Variants in CCNG1 observed in about 807,000 individuals in gnomAD.
CCNG1 encodes the protein cyclin-G1.
Under a neutral mutation model 30.0 loss-of-function variants are expected in CCNG1, and 13 were observed. That is an observed-to-expected ratio of 0.43 (90% CI 0.28 to 0.69). CCNG1 has a LOEUF of 0.69. Ranked by LOEUF, CCNG1 falls within the 30% of genes least tolerant of loss-of-function variation. The pLI, the probability that CCNG1 is intolerant of heterozygous loss-of-function variation, is 0.16. For synonymous variants in CCNG1, 110 were observed against 121.5 expected (o/e 0.91, Z 0.62); for missense variants, 285 against 331.4 (o/e 0.86, Z 1.09).
downstream of CCNG1, chr5:163,448,090 T>C (rs1758084057): frequency 6.6e-6 from 1 of 151,620 alleles, no homozygotes. Flanking sequence ...CCCCACGAGT[T>C]TGAGGCTGCA....
At chr5:163,441,660 T>C (rs1387270645) in intron 3 of CCNG1, 3 of 518,312 alleles carry the variant, frequency 5.8e-6, no homozygotes, top group African/African-American at 3.9e-5. Flanking sequence ...ATTTGTGGCA[T>C]AGTACTATTC....
downstream of CCNG1, chr5:163,450,405 AGAGAG>A (rs1199976404): frequency 6.6e-6 from 1 of 152,252 alleles, no homozygotes; most frequent in African/African-American, 2.4e-5. Context: ...AACAAAGTAA[AGAGAG>A]AATAGGAGAA....
In CCNG1 at chr5:163,441,094, T is replaced by C. The variant is rs1581167579; in HGVS notation, c.281T>C (p.Leu94Pro). ...LSKMKVQPKH[L>P]GCVGLSCFYL... ...ATTTTTTAGGTACAGCCCAAGCACCTTGGGTGTGTTGGACTGAGCTGCTTT... is the reference window on the plus strand; with the variant it reads ...ATTTTTTAGGTACAGCCCAAGCACCCTGGGTGTGTTGGACTGAGCTGCTTT... Residue 94 changes from leucine to proline, a missense_variant, in exon 3 of 7, where the codon CTT becomes CCT. By Grantham distance (98) the Leu-to-Pro change is moderately conservative. Transcript: ENST00000340828. 6.2e-7 allele frequency: 1 copy of C among 1,613,846 alleles called. No homozygotes were observed. The highest frequency in any genetic ancestry group is 8.5e-7 in the Non-Finnish European group (1 of 1,179,798).
At chr5:163,443,127 G>A (rs426308) in intron 6 of CCNG1, among the ~76,000 whole-genome samples, 151,517 of 152,040 alleles carry the variant, frequency 1, 75,498 homozygotes, top group Middle Eastern at 1. Context: ...GGCCAACATG[G>A]TGAAACCCCG....
At chr5:163,448,803 C>T (rs1758105623), downstream of CCNG1, 1 of 152,160 alleles carries the variant, frequency 6.6e-6, no homozygotes, top group South Asian at 2.1e-4. Context: ...GAAATATAAG[C>T]TGTTTCAAAA....
the CCNG1 span, chr5:163,451,702 C>CA: frequency 6.6e-6 from 1 of 152,258 alleles, no homozygotes; most frequent in Admixed American, 6.5e-5. Flanking sequence ...TCCTGCTCAG[C>CA]ATAGGATGCG....
At chr5:163,456,530 T>TA in the CCNG1 span, among the ~76,000 whole-genome samples, 39 of 152,084 alleles carry the variant, frequency 2.6e-4, no homozygotes, top group African/African-American at 6.7e-4. Context: ...CCATTTATGC[T>TA]AAAAAACAAA....
chr5:163,442,657 A>T (rs1419036550), intron 6 of CCNG1, 89 bp downstream of exon 6: 1 of 1,052,890 alleles, frequency 9.5e-7, no homozygotes, highest in East Asian at 2.4e-5. Flanking sequence ...TCTTCAAAAT[A>T]AACAAAATGG....
At position 163,444,647 on chromosome 5, in the gene CCNG1, T is replaced by C. The variant is rs1020999567; in HGVS notation, c.*977T>C. 1.3e-5 allele frequency: 2 copies of C among 152,628 alleles called. No homozygotes were observed. Among genetic ancestry groups the C allele is most frequent in the Non-Finnish European group, 2.9e-5 (2 of 68,034 alleles). 9.5% of individuals were successfully genotyped at this position (152,628 alleles called of 1,614,324 possible). ...AAGTAGACACCTTCATAACTATGAA[T>C]GAAGCTGCTGAAGTAGTGTTTAGGA... On this transcript the variant is annotated 3_prime_UTR_variant, in exon 7 of 7. Coordinates refer to ENST00000340828, the MANE Select transcript of CCNG1 (RefSeq NM_004060.4).
rs781043207 is a variant in CCNG1, at chr5:163,442,158, T to A, written c.696+15T>A. The A allele has an allele frequency of 1.1e-5, 17 of 1,521,924 alleles. No individual in the cohort carries two copies. The highest frequency in any genetic ancestry group is 1.5e-5 in the Non-Finnish European group (17 of 1,100,774). The allele number at this position is 1,521,924 out of a possible 1,614,324, so 94.3% of individuals were successfully genotyped here. ...AACATTCCAAGGTATGTGAAGGACA[T>A]AGCCTAAATCCTATTAACAGCTGTA... is the stretch of plus-strand genomic sequence containing the variant. On this transcript the variant is annotated intron_variant, in intron 5 of 6. Transcript: ENST00000340828.
At chr5:163,453,659 G>C in the CCNG1 span, 347 of 184,650 alleles carry the variant, frequency 1.9e-3, no homozygotes, top group African/African-American at 7.7e-3. Flanking sequence ...CATTTCACAT[G>C]ATCTATACTC....
At chr5:163,457,218 G>GC in the CCNG1 span, 16,333 of 859,144 alleles carry the variant, frequency 0.019, 240 homozygotes, top group Non-Finnish European at 0.023. Flanking sequence ...TGAAACCTCC[G>GC]CCCCCCGGGT....
chr5:163,457,408 C>A, the CCNG1 span, among the ~76,000 whole-genome samples: 1 of 152,078 alleles, frequency 6.6e-6, no homozygotes, highest in Admixed American at 6.6e-5. Flanking sequence ...TTTTTTCTCC[C>A]CCCACTAGGT....
Position 163,439,553 on chromosome 5 carries a change from T to C in CCNG1, c.264+33T>C, listed in dbSNP as rs777981331. 1.9e-6 allele frequency: 3 copies of C among 1,586,062 alleles called. No individual in the cohort carries two copies. In the South Asian group the frequency reaches 3.5e-5, roughly 18 times the overall value. On this transcript the variant is annotated intron_variant, in intron 2 of 6. Transcript: ENST00000340828. ...TGAAGCTACATTTTTGTAATTTTGC[T>C]CAGTGTGTTTTGGAGATGGAATTGT... is the stretch of plus-strand genomic sequence containing the variant.
the CCNG1 span, chr5:163,457,412 A>G: frequency 3.3e-6 from 2 of 607,236 alleles, no homozygotes; most frequent in South Asian, 4.6e-5. Flanking sequence ...TTCTCCCCCC[A>G]CTAGGTAACT....
At chr5:163,447,909 C>T (rs924853851), downstream of CCNG1, 2 of 152,076 alleles carry the variant, frequency 1.3e-5, no homozygotes, top group African/African-American at 4.8e-5. Context: ...TGGAATGCAG[C>T]CATGCTGGTG....
At chr5:163,445,620 A>ATTTTTTTTTT (rs56065634), downstream of CCNG1, among the ~76,000 whole-genome samples, 948 of 107,884 alleles carry the variant, frequency 8.8e-3, 9 homozygotes, top group Non-Finnish European at 0.01. Flanking sequence ...CACCCAGCTA[A>ATTTTTTTTTT]TTTTTTTTTT....
At position 163,441,124 on chromosome 5, in the gene CCNG1, T is replaced by G. The variant is rs764101361; in HGVS notation, c.311T>G (p.Leu104Trp). ...LGCVGLSCFY[L>W]AVKSIEEERN... The stretch of plus-strand genomic sequence containing the variant: ...TGTGTTGGACTGAGCTGCTTTTATT[T>G]GGCTGTAAAATCAATAGAAGAGGAA... The change falls in exon 3 of 7, where the codon TTG becomes TGG. Residue 104 changes from leucine to tryptophan, a missense_variant. Physicochemically the swap from Leu to Trp is moderately conservative, Grantham distance 61. Transcript: ENST00000340828. 3.7e-6 allele frequency: 6 copies of G among 1,613,980 alleles called. No individual in the cohort carries two copies. Among genetic ancestry groups the G allele is most frequent in the Non-Finnish European group, 5.1e-6 (6 of 1,179,870 alleles).
rs748394523 is a variant in CCNG1, at chr5:163,439,288, A to G, written c.32A>G (p.Gln11Arg). 2 of 1,613,672 alleles carry G rather than the reference A, an allele frequency of 1.2e-6. No homozygotes were observed. Residue 11 changes from glutamine (Q) to arginine (R), a missense_variant, in exon 2 of 7, where the codon CAG becomes CGG. Gln to Arg is a conservative substitution (Grantham distance 43, BLOSUM62 1). Coordinates refer to ENST00000340828, the MANE Select transcript of CCNG1 (RefSeq NM_004060.4). Reference sequence around the variant, plus strand: ...GAGGTACTGACAACAACTGACTCTCAGAAACTGCTACACCAGCTGAATGCC... The same window carrying G: ...GAGGTACTGACAACAACTGACTCTCGGAAACTGCTACACCAGCTGAATGCC... MIEVLTTTDS[Q>R]KLLHQLNALL...
Sources: allele counts gnomAD v4.1 joint callset (sites outside exome capture counted in the v4.1 genomes callset), GRCh38; gene constraint gnomAD v4.1.1; transcripts MANE v1.5; gene names NCBI Gene and HGNC (gene_info 2026-07-23, HGNC 2026-07-21).